Variants in FOXO1 observed in about 807,000 individuals in gnomAD.
FOXO1 encodes forkhead box O1, also known as forkhead box protein O1.
In FOXO1, 6 loss-of-function variants were observed where a neutral mutation model predicts 44.1. That is an observed-to-expected ratio of 0.14 (90% CI 0.07 to 0.27). The LOEUF (loss-of-function observed/expected upper bound fraction) is 0.27, where lower values mean the gene tolerates loss of function less well. Among genes scored for constraint, FOXO1 ranks in the 10% least tolerant of loss-of-function variants. The probability of loss-of-function intolerance (pLI) is 1.00; values close to 1 mark genes in which losing one functional copy is unlikely to be tolerated. For missense variants in FOXO1, 737 were observed against 888.8 expected (o/e 0.83, Z 2.17); for synonymous variants, 380 against 362.7 (o/e 1.05, Z -0.54).
chr13:40,629,199 G>A (rs190552176), intron 1 of FOXO1, among the ~76,000 whole-genome samples: 26 of 151,728 alleles, frequency 1.7e-4, no homozygotes, highest in African/African-American at 5.6e-4. Flanking sequence ...CTGGAGTGCA[G>A]TGGTGCAATC....
intron 1 of FOXO1, among the ~76,000 whole-genome samples, chr13:40,585,409 C>T (rs200874401): frequency 6.6e-6 from 1 of 151,436 alleles, no homozygotes; most frequent in South Asian, 2.1e-4. Context: ...AAGATTACTG[C>T]TCCATATGCC....
At chr13:40,646,051 G>C (rs1438843970) in intron 1 of FOXO1, among the ~76,000 whole-genome samples, 1 of 147,150 alleles carries the variant, frequency 6.8e-6, no homozygotes, top group East Asian at 2.0e-4. Flanking sequence ...TGGGCAACAA[G>C]AGGGAAACTC....
At chr13:40,580,351 G>A (rs1473097441) in intron 1 of FOXO1, among the ~76,000 whole-genome samples, 1 of 152,088 alleles carries the variant, frequency 6.6e-6, no homozygotes, top group African/African-American at 2.4e-5. Context: ...CTTTCCTTAA[G>A]CAGGAGACGG....
At chr13:40,584,535 C>T (rs190417960) in intron 1 of FOXO1, among the ~76,000 whole-genome samples, 191 of 138,694 alleles carry the variant, frequency 1.4e-3, no homozygotes, top group African/African-American at 4.9e-3. Flanking sequence ...ATAGTCCTAG[C>T]TATTCAGGAG....
chr13:40,596,108 C>T (rs1047632434), intron 1 of FOXO1, among the ~76,000 whole-genome samples: 8 of 152,038 alleles, frequency 5.3e-5, no homozygotes, highest in African/African-American at 1.9e-4. Flanking sequence ...GACTTTTAGG[C>T]TGATAAAGTT....
intron 1 of FOXO1, among the ~76,000 whole-genome samples, chr13:40,661,915 T>C (rs1017086566): frequency 1.4e-4 from 21 of 152,146 alleles, no homozygotes; most frequent in Non-Finnish European, 4.4e-5. Flanking sequence ...GGCTTACGCA[T>C]GTAATCTCTG....
At chr13:40,631,409 T>C (rs990013903) in intron 1 of FOXO1, among the ~76,000 whole-genome samples, 1 of 152,122 alleles carries the variant, frequency 6.6e-6, no homozygotes. Context: ...AATGGTTTCT[T>C]AGACATGACA....
intron 1 of FOXO1, among the ~76,000 whole-genome samples, chr13:40,574,084 A>G (rs891014574): frequency 6.6e-6 from 1 of 152,236 alleles, no homozygotes; most frequent in African/African-American, 2.4e-5. Context: ...CTTGCACACA[A>G]GTACAAACGT....
At chr13:40,588,060 C>T (rs930947265) in intron 1 of FOXO1, among the ~76,000 whole-genome samples, 2 of 152,140 alleles carry the variant, frequency 1.3e-5, no homozygotes, top group African/African-American at 4.8e-5. Context: ...TGCTATGGTG[C>T]GGGAGGAAGC....
At chr13:40,661,589 G>A (rs1017614950) in intron 1 of FOXO1, among the ~76,000 whole-genome samples, 11 of 151,706 alleles carry the variant, frequency 7.3e-5, no homozygotes, top group Non-Finnish European at 8.8e-5. Flanking sequence ...GCGCCACCAC[G>A]CCCAGCCTAT....
At chr13:40,636,753 C>T (rs1205062005) in intron 1 of FOXO1, among the ~76,000 whole-genome samples, 3 of 152,034 alleles carry the variant, frequency 2.0e-5, no homozygotes, top group Non-Finnish European at 4.4e-5. Flanking sequence ...CCTTGGACTC[C>T]CAAAGTGCTG....
chr13:40,598,055 T>C (rs1055912850), intron 1 of FOXO1, among the ~76,000 whole-genome samples: 13 of 152,146 alleles, frequency 8.5e-5, no homozygotes, highest in African/African-American at 3.1e-4. Context: ...TTTCAAATCA[T>C]AGGCTAACAG....
At chr13:40,653,803 T>TTACAAAGGCAGTACTATAGTACTATAG (rs1262126115) in intron 1 of FOXO1, among the ~76,000 whole-genome samples, 4 of 152,234 alleles carry the variant, frequency 2.6e-5, no homozygotes, top group Non-Finnish European at 4.4e-5. Context: ...TCACCAGTAC[T>TTACAAAGGCAGTACTATAGTACTATAG]TACAAAGGCA....
intron 1 of FOXO1, among the ~76,000 whole-genome samples, chr13:40,658,853 CA>C (rs930285479): frequency 2.7e-5 from 4 of 150,882 alleles, no homozygotes; most frequent in Non-Finnish European, 5.9e-5. Context: ...ACTAAAAATA[CA>C]AAAAAAAATT....
intron 1 of FOXO1, among the ~76,000 whole-genome samples, chr13:40,625,649 C>T (rs1354823419): frequency 7.3e-6 from 1 of 136,758 alleles, no homozygotes; most frequent in Admixed American, 7.4e-5. Flanking sequence ...AATAAACTTG[C>T]TTTCACTTTA....
chr13:40,574,657 AC>A (rs1327575700), intron 1 of FOXO1, among the ~76,000 whole-genome samples: 1 of 152,194 alleles, frequency 6.6e-6, no homozygotes, highest in Non-Finnish European at 1.5e-5. Context: ...TTTTCTCTGA[AC>A]CAACATGTAG....
chr13:40,583,862 T>C (rs1875046527), intron 1 of FOXO1, among the ~76,000 whole-genome samples: 2 of 152,248 alleles, frequency 1.3e-5, no homozygotes, highest in South Asian at 2.1e-4. Context: ...ATTCACAACT[T>C]GGCTGACTGG....
Position 40,609,784 on chromosome 13 carries a change from T to G in FOXO1, c.631-48924A>C, listed in dbSNP as rs957546122. ...GACAGAACTCAAGGGATTCATGACC[T>G]TGGATAGGAAAAAACACATTTTTAT... is the stretch of plus-strand genomic sequence containing the variant. On this transcript the variant is annotated intron_variant, in intron 1 of 2. Coordinates refer to ENST00000379561, the MANE Select transcript of FOXO1 (RefSeq NM_002015.4). Among the ~76,000 whole-genome samples, 15 of 152,132 alleles carry G rather than the reference T, an allele frequency of 9.9e-5. 1 individual carries two copies. The highest frequency in any genetic ancestry group is 3.4e-4 in the African/African-American group (14 of 41,426).
intron 1 of FOXO1, among the ~76,000 whole-genome samples, chr13:40,633,020 T>G (rs1566080730): frequency 6.6e-6 from 1 of 151,872 alleles, no homozygotes; most frequent in Non-Finnish European, 1.5e-5. Flanking sequence ...ATGCTTAACA[T>G]TATTTAGCAT....
Sources: allele counts gnomAD v4.1 joint callset (sites outside exome capture counted in the v4.1 genomes callset), GRCh38; gene constraint gnomAD v4.1.1; transcripts MANE v1.5; gene names NCBI Gene and HGNC (gene_info 2026-07-23, HGNC 2026-07-21).